The following CMTM6 variants were observed in gnomAD, a reference collection of about 807,000 sequenced individuals.
CMTM6 encodes the protein CKLF-like MARVEL transmembrane domain-containing protein 6.
Under a neutral mutation model 13.6 loss-of-function variants are expected in CMTM6, and 5 were observed. The observed-to-expected ratio is 0.37, with a 90% CI of 0.19 to 0.77. The LOEUF is 0.77. Among genes scored for constraint, CMTM6 ranks in the 30% least tolerant of loss-of-function variants. The pLI is 0.50. For missense variants in CMTM6, 196 were observed against 218.6 expected, an observed-to-expected ratio of 0.90 and a Z score of 0.65; for synonymous variants, 99 against 84.5, an observed-to-expected ratio of 1.17 and a Z score of -0.94.
chr3:32,491,932 T>C (rs1559424740), intron 1 of CMTM6, 46 bp from the exon 2 acceptor site: 28 of 1,475,610 alleles, frequency 1.9e-5, no homozygotes, highest in Non-Finnish European at 2.4e-5. Flanking sequence ...TTTCAGAGAA[T>C]CTACAGTATT....
chr3:32,488,146 A>G, intron 2 of CMTM6, 110 bp from the exon 3 acceptor site: 1 of 735,428 alleles, frequency 1.4e-6, no homozygotes, highest in Non-Finnish European at 2.2e-6. Context: ...GTTTTTCTTG[A>G]TACAACCCAA....
chr3:32,487,675 A>G, intron 3 of CMTM6: 1 of 278,806 alleles, frequency 3.6e-6, no homozygotes. Flanking sequence ...AATAAAGTCA[A>G]TTTTACCACT....
Position 32,489,194 on chromosome 3 carries a change from C to T in CMTM6, c.316-1158G>A, listed in dbSNP as rs564262090. 5.5e-5 allele frequency among the ~76,000 whole-genome samples: 8 copies of T among 145,504 alleles called. 1 individual carries two copies. In the South Asian group the frequency reaches 1.7e-3, roughly 31 times the overall value. ...CTGAGGCAAGAGAATCACTTGAACC[C>T]AGGAGGCAGAGGTTGCAGTGAGCCA... On this transcript the variant is annotated intron_variant, in intron 2 of 3. Transcript: ENST00000205636.
chr3:32,490,296 A>G (rs983353870), intron 2 of CMTM6, among the ~76,000 whole-genome samples: 9 of 152,168 alleles, frequency 5.9e-5, no homozygotes, highest in African/African-American at 2.2e-4. Context: ...CACACACTCA[A>G]AACACATTCC....
chr3:32,486,765 G>T (rs1458630801), intron 3 of CMTM6, among the ~76,000 whole-genome samples: 1 of 152,182 alleles, frequency 6.6e-6, no homozygotes, highest in Non-Finnish European at 1.5e-5. Flanking sequence ...TGGGGGTGGA[G>T]CCTAGCTGGA....
chr3:32,486,826 G>T (rs1321909498), intron 3 of CMTM6, among the ~76,000 whole-genome samples: 1 of 152,166 alleles, frequency 6.6e-6, no homozygotes. Context: ...TCTTGTAATA[G>T]TGAGTTACTG....
intron 3 of CMTM6, among the ~76,000 whole-genome samples, chr3:32,486,070 CT>C (rs1697201893): frequency 6.6e-6 from 1 of 152,102 alleles, no homozygotes; most frequent in Non-Finnish European, 1.5e-5. Context: ...TAGAGACAAG[CT>C]TTCACTATAT....
Position 32,484,118 on chromosome 3 carries a change from A to C in CMTM6, c.415-21T>G, listed in dbSNP as rs183659663. The C allele has an allele frequency of 1.8e-5, 28 of 1,538,628 alleles. No individual in the cohort carries two copies. In the East Asian group the frequency reaches 2.8e-4, roughly 15 times the overall value. On this transcript the variant is annotated intron_variant, in intron 3 of 3. Coordinates refer to ENST00000205636, the MANE Select transcript of CMTM6 (RefSeq NM_017801.3). Reference sequence around the variant, plus strand: ...AACACCTGAGGAAAAAAAGGAGGAAAGGTTATATGAGAATTTTGGAATATA... The same window carrying C: ...AACACCTGAGGAAAAAAAGGAGGAACGGTTATATGAGAATTTTGGAATATA...
chr3:32,500,026 G>A (rs148174511), intron 1 of CMTM6, among the ~76,000 whole-genome samples: 210 of 152,154 alleles, frequency 1.4e-3, no homozygotes, highest in African/African-American at 4.7e-3. Flanking sequence ...TTTAGAGCAG[G>A]CTTTTCTCTT....
intron 2 of CMTM6, 90 bp from the exon 3 acceptor site, chr3:32,488,126 CTACT>C (rs1697220955): frequency 3.3e-6 from 3 of 910,808 alleles, no homozygotes; most frequent in African/African-American, 1.7e-5. Context: ...AAAGCTCTGG[CTACT>C]TACTTGTTTT....
intron 2 of CMTM6, 142 bp downstream of exon 2, chr3:32,491,568 G>A (rs1697250113): frequency 3.1e-6 from 2 of 636,994 alleles, no homozygotes; most frequent in Admixed American, 3.4e-5. Context: ...AAAATGAGGT[G>A]CTTAGAAGCA....
chr3:32,488,634 C>T (rs1380786902), intron 2 of CMTM6, among the ~76,000 whole-genome samples: 2 of 152,150 alleles, frequency 1.3e-5, no homozygotes, highest in African/African-American at 4.8e-5. Context: ...TAGAAGTATG[C>T]CAATAGTGTG....
chr3:32,502,644 G>A lies in CMTM6; in HGVS notation c.102C>T (p.Leu34=), dbSNP rs199588531. Residue 34 remains leucine, a synonymous_variant, in exon 1 of 4, where the codon CTC becomes CTT. Transcript: ENST00000205636. The stretch of plus-strand genomic sequence containing the variant: ...CCTTGAGAACGCGCCGGAGCAATGG[G>A]AGCCGGCCCATGAAAAAGTAGGCAG... ...GLAAYFFMGR[L]PLLRRVLKGL... is the part of the protein sequence containing the mutation. 3.1e-6 allele frequency: 5 copies of A among 1,596,180 alleles called. No individual in the cohort carries two copies. Among genetic ancestry groups the A allele is most frequent in the Non-Finnish European group, 4.3e-6 (5 of 1,173,136 alleles).
intron 2 of CMTM6, among the ~76,000 whole-genome samples, chr3:32,490,935 T>C (rs183422858): frequency 8.5e-5 from 13 of 152,306 alleles, no homozygotes; most frequent in African/African-American, 2.2e-4. Flanking sequence ...CCAAATCTTA[T>C]GGCATATTAA....
At chr3:32,491,609 T>A in intron 2 of CMTM6, 101 bp downstream of exon 2, 1 of 1,060,796 alleles carries the variant, frequency 9.4e-7, no homozygotes, top group Non-Finnish European at 1.3e-6. Flanking sequence ...TACTGTCTTT[T>A]CATGTTGCTG....
intron 1 of CMTM6, among the ~76,000 whole-genome samples, chr3:32,492,111 C>T (rs1003976155): frequency 4.6e-5 from 7 of 152,056 alleles, no homozygotes; most frequent in African/African-American, 1.7e-4. Flanking sequence ...CTAATGCCAG[C>T]AAAGGGGAAA....
Position 32,484,097 on chromosome 3 carries a change from C to T in CMTM6, c.415G>A (p.Val139Met), listed in dbSNP as rs369571622. The T allele has an allele frequency of 9.6e-6, 15 of 1,570,186 alleles. No individual in the cohort carries two copies. The African/African-American group carries it at 1.8e-4, about 19-fold the overall frequency. Residue 139 changes from valine to methionine, a missense_variant and splice_region_variant, in exon 4 of 4, where the codon GTG (valine) becomes ATG (methionine). By Grantham distance (21) the Val-to-Met change is conservative. Transcript: ENST00000205636. ...ATAAAACTTGCTATAAATCCAAACA[C>T]CTGAGGAAAAAAAGGAGGAAAGGTT... ...DRTSAEIAAI[V>M]FGFIASFMFL...
At chr3:32,486,085 C>T (rs1697202039) in intron 3 of CMTM6, among the ~76,000 whole-genome samples, 1 of 152,204 alleles carries the variant, frequency 6.6e-6, no homozygotes, top group Admixed American at 6.5e-5. Flanking sequence ...ACTATATTGG[C>T]CAAGCTGGTC....
chr3:32,484,615 G>C (rs1697186964), intron 3 of CMTM6, among the ~76,000 whole-genome samples: 1 of 152,120 alleles, frequency 6.6e-6, no homozygotes, highest in Non-Finnish European at 1.5e-5. Context: ...GTGACATGAC[G>C]CCACTACCTA....
Sources: allele counts gnomAD v4.1 joint callset (sites outside exome capture counted in the v4.1 genomes callset), GRCh38; gene constraint gnomAD v4.1.1; transcripts MANE v1.5; gene names NCBI Gene and HGNC (gene_info 2026-07-23, HGNC 2026-07-21).